The following SATB2 variants were observed in gnomAD, a reference collection of about 807,000 sequenced individuals.
SATB2 encodes the protein SATB homeobox 2, also known as DNA-binding protein SATB2.
A neutral mutation model predicts 73.4 loss-of-function variants in SATB2; 1 was observed. That is an observed-to-expected ratio of 0.01 (90% CI 0.00 to 0.06). The LOEUF is 0.06. Among genes scored for constraint, SATB2 ranks in the 10% least tolerant of loss-of-function variants. The pLI, the probability that SATB2 is intolerant of heterozygous loss-of-function variation, is 1.00. For missense variants in SATB2, 459 were observed against 945.8 expected, an observed-to-expected ratio of 0.49 and a Z score of 6.75; for synonymous variants, 397 against 367.0, an observed-to-expected ratio of 1.08 and a Z score of -0.93.
upstream of SATB2, among the ~76,000 whole-genome samples, chr2:199,468,428 G>A (rs1692634478): frequency 6.6e-6 from 1 of 151,972 alleles, no homozygotes; most frequent in Non-Finnish European, 1.5e-5. Context: ...CAGGACATTA[G>A]CTCTGGGAGC....
upstream of SATB2, chr2:199,470,082 C>T (rs1309093981): frequency 2.0e-5 from 3 of 152,424 alleles, no homozygotes; most frequent in Admixed American, 1.3e-4. Flanking sequence ...GCTGGTCACC[C>T]GGCTGGGAAT....
At chr2:199,281,259 T>G (rs1296303877) in intron 10 of SATB2, among the ~76,000 whole-genome samples, 1 of 23,596 alleles carries the variant, frequency 4.2e-5, no homozygotes, top group African/African-American at 5.3e-5. Context: ...TGTGTGTATG[T>G]ATGTATGTGT....
intron 6 of SATB2, among the ~76,000 whole-genome samples, chr2:199,356,047 G>T (rs754438142): frequency 2.6e-4 from 39 of 152,056 alleles, no homozygotes; most frequent in Non-Finnish European, 4.6e-4. Flanking sequence ...TGGGTAAAAG[G>T]TTTTGCACTG....
At chr2:199,436,469 T>C (rs1359558271) in intron 2 of SATB2, among the ~76,000 whole-genome samples, 5 of 151,746 alleles carry the variant, frequency 3.3e-5, no homozygotes, top group African/African-American at 1.2e-4. Flanking sequence ...TGGTCATTTA[T>C]AAAATAAAAC....
At chr2:199,352,492 A>C (rs964253528) in intron 6 of SATB2, among the ~76,000 whole-genome samples, 1 of 152,164 alleles carries the variant, frequency 6.6e-6, no homozygotes, top group African/African-American at 2.4e-5. Flanking sequence ...TTCTATCCTT[A>C]TGAGTTTCCA....
intron 2 of SATB2, among the ~76,000 whole-genome samples, chr2:199,438,659 A>G (rs1402812488): frequency 6.6e-6 from 1 of 152,240 alleles, no homozygotes; most frequent in African/African-American, 2.4e-5. Context: ...ATGAAAGACG[A>G]AAGATGGTGC....
chr2:199,467,273 G>C (rs528399493), upstream of SATB2: 4 of 152,432 alleles, frequency 2.6e-5, no homozygotes, highest in Non-Finnish European at 5.9e-5. Flanking sequence ...GGCTGCTGGA[G>C]CTCTCCCCAG....
chr2:199,401,054 A>G (rs1445092374), intron 3 of SATB2, among the ~76,000 whole-genome samples: 1 of 152,184 alleles, frequency 6.6e-6, no homozygotes, highest in East Asian at 1.9e-4. Flanking sequence ...TTGAACATAA[A>G]AAGCTGTGCC....
At chr2:199,382,044 T>C (rs1689795079) in intron 3 of SATB2, among the ~76,000 whole-genome samples, 1 of 152,158 alleles carries the variant, frequency 6.6e-6, no homozygotes, top group Non-Finnish European at 1.5e-5. Context: ...AGACAATCAG[T>C]TCTTTTATGT....
intron 5 of SATB2, among the ~76,000 whole-genome samples, chr2:199,375,842 A>G (rs1689583399): frequency 6.6e-6 from 1 of 152,190 alleles, no homozygotes; most frequent in Non-Finnish European, 1.5e-5. Flanking sequence ...TTATATCCCC[A>G]GCCCATCGCA....
intron 5 of SATB2, among the ~76,000 whole-genome samples, chr2:199,375,316 TCA>T (rs1214669413): frequency 6.6e-6 from 1 of 152,174 alleles, no homozygotes; most frequent in Admixed American, 6.5e-5. Context: ...AAGTGGTTAC[TCA>T]CAGAGACATC....
intron 3 of SATB2, among the ~76,000 whole-genome samples, chr2:199,386,518 T>C (rs1316194975): frequency 6.6e-6 from 1 of 152,160 alleles, no homozygotes; most frequent in South Asian, 2.1e-4. Flanking sequence ...CAAGAACAAG[T>C]TATGTGGCCA....
At chr2:199,367,618 G>A (rs2105848825) in intron 6 of SATB2, among the ~76,000 whole-genome samples, 1 of 152,192 alleles carries the variant, frequency 6.6e-6, no homozygotes, top group Non-Finnish European at 1.5e-5. Context: ...ACCATAAATT[G>A]TCATTTGCCC....
At chr2:199,364,273 G>T (rs16831366) in intron 6 of SATB2, among the ~76,000 whole-genome samples, 13,045 of 152,198 alleles carry the variant, frequency 0.086, 630 homozygotes, top group Middle Eastern at 0.23. Context: ...CAGAGGACTA[G>T]TTCAAGGAGT....
intron 6 of SATB2, among the ~76,000 whole-genome samples, chr2:199,355,338 G>C (rs62178573): frequency 2.3e-5 from 2 of 88,080 alleles, no homozygotes; most frequent in East Asian, 4.9e-4. Flanking sequence ...GTGTGTGTGT[G>C]TGTGTGTATC....
At chr2:199,401,254 A>G (rs1690464946) in intron 3 of SATB2, among the ~76,000 whole-genome samples, 1 of 152,160 alleles carries the variant, frequency 6.6e-6, no homozygotes, top group Non-Finnish European at 1.5e-5. Flanking sequence ...AGGAATGAAA[A>G]TAATAGGATG....
intron 10 of SATB2, among the ~76,000 whole-genome samples, chr2:199,273,975 T>A (rs1692237624): frequency 6.6e-6 from 1 of 152,146 alleles, no homozygotes; most frequent in Non-Finnish European, 1.5e-5. Context: ...GATGACAGAA[T>A]TACAAGGTTA....
At chr2:199,280,101 T>C (rs546387920) in intron 10 of SATB2, among the ~76,000 whole-genome samples, 14 of 152,338 alleles carry the variant, frequency 9.2e-5, no homozygotes, top group South Asian at 6.2e-4. Flanking sequence ...AGAACGTGGA[T>C]TGTGAAGATT....
At chr2:199,314,885 C>T (rs1687688513) in intron 9 of SATB2, among the ~76,000 whole-genome samples, 1 of 152,120 alleles carries the variant, frequency 6.6e-6, no homozygotes, top group African/African-American at 2.4e-5. Context: ...CTTTTCATCT[C>T]TTTCCCCCAC....
Sources: allele counts gnomAD v4.1 joint callset (sites outside exome capture counted in the v4.1 genomes callset), GRCh38; gene constraint gnomAD v4.1.1; transcripts MANE v1.5; gene names NCBI Gene and HGNC (gene_info 2026-07-23, HGNC 2026-07-21).